The following NDRG1 variants were observed in gnomAD, a reference collection of about 807,000 sequenced individuals.
NDRG1 encodes the protein protein NDRG1.
NDRG1 carries 32 observed loss-of-function variants against 56.9 expected under a neutral mutation model. The observed-to-expected ratio is 0.56, with a 90% CI of 0.42 to 0.76. NDRG1 has a LOEUF of 0.76. Among genes scored for constraint, NDRG1 ranks in the 30% least tolerant of loss-of-function variants. The pLI is 0.00. For missense variants in NDRG1, 507 were observed against 545.7 expected (o/e 0.93, Z 0.71); for synonymous variants, 211 against 204.1 (o/e 1.03, Z -0.29).
intron 2 of NDRG1, among the ~76,000 whole-genome samples, chr8:133,280,663 T>C (rs1210475333): frequency 6.6e-6 from 1 of 152,128 alleles, no homozygotes; most frequent in Non-Finnish European, 1.5e-5. Context: ...CTCGATTTCC[T>C]GACCTCATGA....
At chr8:133,292,370 T>C (rs1482997787) in intron 1 of NDRG1, among the ~76,000 whole-genome samples, 1 of 152,196 alleles carries the variant, frequency 6.6e-6, no homozygotes, top group Non-Finnish European at 1.5e-5. Context: ...CTATGCAAGA[T>C]GGTCCAAGTT....
At chr8:133,296,447 G>C in intron 1 of NDRG1, 2 of 454,980 alleles carry the variant, frequency 4.4e-6, no homozygotes, top group South Asian at 3.1e-5. Context: ...GCTCCGGCTC[G>C]CGTGTTGCAC....
At chr8:133,257,212 G>A (rs966975818) in intron 7 of NDRG1, among the ~76,000 whole-genome samples, 7 of 151,928 alleles carry the variant, frequency 4.6e-5, no homozygotes, top group African/African-American at 9.7e-5. Flanking sequence ...CAAACAAGGC[G>A]CACAGCACAA....
chr8:133,263,772 C>A (rs547502681), intron 4 of NDRG1, among the ~76,000 whole-genome samples: 16 of 152,032 alleles, frequency 1.1e-4, no homozygotes, highest in Non-Finnish European at 1.9e-4. Context: ...AAAAATTAGT[C>A]AGGCGTGGTG....
At chr8:133,258,923 T>G in intron 6 of NDRG1, 1 of 582,530 alleles carries the variant, frequency 1.7e-6, no homozygotes, top group East Asian at 2.9e-5. Context: ...AGCAAATGGG[T>G]GGGGCAGCTG....
chr8:133,241,703 A>C (rs78589434), intron 15 of NDRG1, among the ~76,000 whole-genome samples: 1,754 of 152,330 alleles, frequency 0.012, 35 homozygotes, highest in African/African-American at 0.041. Flanking sequence ...ACTTGTGATC[A>C]AAATTTTTAA....
intron 1 of NDRG1, chr8:133,296,477 TC>T (rs1210897277): frequency 4.4e-6 from 2 of 454,996 alleles, no homozygotes; most frequent in Admixed American, 2.4e-5. Context: ...CCCTGGACCC[TC>T]CCCCCACACA....
At chr8:133,269,756 T>C (rs960686841) in intron 3 of NDRG1, among the ~76,000 whole-genome samples, 2 of 152,198 alleles carry the variant, frequency 1.3e-5, no homozygotes, top group African/African-American at 4.8e-5. Flanking sequence ...ATGCAGCAAG[T>C]CAGATTTCCC....
At chr8:133,245,746 G>T (rs901060385) in intron 13 of NDRG1, among the ~76,000 whole-genome samples, 6 of 152,168 alleles carry the variant, frequency 3.9e-5, no homozygotes, top group Admixed American at 3.3e-4. Context: ...TGTGATACTT[G>T]TGACAACCGC....
At chr8:133,285,705 A>G (rs1858072934) in intron 1 of NDRG1, among the ~76,000 whole-genome samples, 3 of 152,092 alleles carry the variant, frequency 2.0e-5, no homozygotes. Context: ...CCCCAGCATG[A>G]TTTTCCCCAG....
intron 11 of NDRG1, 78 bp from the exon 12 acceptor site, chr8:133,248,004 G>GA: frequency 7.1e-7 from 1 of 1,412,112 alleles, no homozygotes; most frequent in Non-Finnish European, 1.0e-6. Context: ...GCCAGGCTGG[G>GA]GCCTGCATTC....
chr8:133,286,945 GA>G (rs1370874513), intron 1 of NDRG1, among the ~76,000 whole-genome samples: 3 of 152,160 alleles, frequency 2.0e-5, no homozygotes, highest in Non-Finnish European at 2.9e-5. Flanking sequence ...AAGGACTGCA[GA>G]AGGTGCTCTC....
chr8:133,289,950 G>A (rs571782700), intron 1 of NDRG1, among the ~76,000 whole-genome samples: 3 of 152,160 alleles, frequency 2.0e-5, no homozygotes, highest in South Asian at 2.1e-4. Flanking sequence ...TGGAGATCAC[G>A]CTGTCCACAA....
intron 9 of NDRG1, among the ~76,000 whole-genome samples, chr8:133,253,637 G>A (rs1856197474): frequency 6.6e-6 from 1 of 152,224 alleles, no homozygotes; most frequent in Non-Finnish European, 1.5e-5. Context: ...ATCAACAGGT[G>A]AATGGAAAAA....
chr8:133,277,696 C>T (rs987586041), intron 3 of NDRG1, among the ~76,000 whole-genome samples: 5 of 152,162 alleles, frequency 3.3e-5, no homozygotes, highest in Admixed American at 6.5e-5. Context: ...TTGGATGTTA[C>T]GTGTATGTTT....
intron 3 of NDRG1, among the ~76,000 whole-genome samples, chr8:133,271,742 T>C (rs1270767563): frequency 8.6e-6 from 1 of 116,552 alleles, no homozygotes; most frequent in East Asian, 2.9e-4. Flanking sequence ...ATCACACTAC[T>C]ACACTCCAGC....
At chr8:133,267,894 C>T (rs1164304220) in intron 3 of NDRG1, among the ~76,000 whole-genome samples, 3 of 152,162 alleles carry the variant, frequency 2.0e-5, no homozygotes, top group Admixed American at 6.5e-5. Context: ...TGGGGACTCC[C>T]GGTGCAGGCA....
chr8:133,288,011 TTTCA>T (rs1299720264), intron 1 of NDRG1, among the ~76,000 whole-genome samples: 1 of 151,976 alleles, frequency 6.6e-6, no homozygotes, highest in African/African-American at 2.4e-5. Context: ...ACTTGCAAAC[TTTCA>T]TTCTCACACT....
chr8:133,272,484 C>T (rs1221378077), intron 3 of NDRG1, among the ~76,000 whole-genome samples: 5 of 152,158 alleles, frequency 3.3e-5, no homozygotes, highest in African/African-American at 1.2e-4. Flanking sequence ...CAAGGACACG[C>T]GAGTAGCAAA....
Sources: gnomAD v4.1 joint callset for allele counts (sites outside exome capture counted in the v4.1 genomes callset) on GRCh38, gnomAD v4.1.1 for gene constraint, MANE v1.5 for transcripts, NCBI Gene and HGNC (gene_info 2026-07-23, HGNC 2026-07-21) for gene names.